Variants in FSTL5 observed in about 807,000 individuals in gnomAD.
FSTL5 encodes follistatin-related protein 5.
FSTL5 carries 62 observed loss-of-function variants against 89.1 expected under a neutral mutation model. The ratio of observed to expected loss-of-function variants is 0.70; its 90% CI spans 0.57 to 0.86. FSTL5 has a LOEUF of 0.86. FSTL5 is among the 40% of genes least tolerant of loss of function. FSTL5 has a pLI of 0.00. For missense variants in FSTL5, 1,057 were observed against 1,001.6 expected (o/e 1.06, Z -0.75); for synonymous variants, 383 against 346.2 (o/e 1.11, Z -1.18).
intron 9 of FSTL5, among the ~76,000 whole-genome samples, chr4:161,541,547 T>A (rs1419217424): frequency 5.3e-5 from 8 of 152,056 alleles, no homozygotes; most frequent in African/African-American, 1.9e-4. Context: ...TTTCTAGGAT[T>A]AAAGTTTTTA....
Position 161,883,321 on chromosome 4 carries a change from A to G in FSTL5, c.409+37083T>C, listed in dbSNP as rs539590559. 8.5e-5 allele frequency among the ~76,000 whole-genome samples: 13 copies of G among 152,340 alleles called. No homozygotes were observed. In the East Asian group the frequency reaches 2.1e-3, roughly 25 times the overall value. On this transcript the variant is annotated intron_variant, in intron 4 of 15. Transcript: ENST00000306100. ...GAACAAGCTCTATTCACTCAAAAAC[A>G]TTCTTTAACAAAACATTCTCTACGT...
At chr4:161,572,094 G>A (rs903786010) in intron 8 of FSTL5, among the ~76,000 whole-genome samples, 1 of 151,862 alleles carries the variant, frequency 6.6e-6, no homozygotes, top group Non-Finnish European at 1.5e-5. Flanking sequence ...TGGATCACCT[G>A]GGGTCAGGAG....
rs1486792470 is a variant in FSTL5 at position 162,037,057 on chromosome 4, CATT to C, written c.127-3402_127-3400del. On this transcript the variant is annotated intron_variant, in intron 2 of 15. Transcript: ENST00000306100. The stretch of plus-strand genomic sequence containing the variant: ...TATTTTGTTTAGTTTTGTAATATTA[CATT>C]ATTATTTATATCACTGAGATTTGAG... Among the ~76,000 whole-genome samples, 8 of 151,706 alleles carry C rather than the reference CATT, an allele frequency of 5.3e-5. No individual in the cohort carries two copies. In the South Asian group the frequency reaches 1.7e-3, roughly 31 times the overall value.
intron 5 of FSTL5, among the ~76,000 whole-genome samples, chr4:161,769,532 T>G (rs1476384237): frequency 6.6e-6 from 1 of 151,918 alleles, no homozygotes; most frequent in Admixed American, 6.6e-5. Flanking sequence ...ATGGTTCAAC[T>G]TACTCAAATA....
intron 1 of FSTL5, among the ~76,000 whole-genome samples, chr4:162,122,041 G>T (rs1017978627): frequency 2.6e-5 from 4 of 151,926 alleles, no homozygotes; most frequent in Non-Finnish European, 5.9e-5. Flanking sequence ...TATGTTATAG[G>T]CAAGGCTTCT....
intron 4 of FSTL5, among the ~76,000 whole-genome samples, chr4:161,900,828 C>T (rs1385376572): frequency 6.6e-6 from 1 of 151,962 alleles, no homozygotes; most frequent in Non-Finnish European, 1.5e-5. Context: ...CACTTACCAA[C>T]TCTTATTACA....
At chr4:162,103,154 T>A (rs935414282) in intron 2 of FSTL5, among the ~76,000 whole-genome samples, 1 of 152,174 alleles carries the variant, frequency 6.6e-6, no homozygotes, top group Non-Finnish European at 1.5e-5. Context: ...GTCAGATATA[T>A]CCCTTTATTT....
At chr4:161,699,314 T>C (rs1037931003) in intron 6 of FSTL5, among the ~76,000 whole-genome samples, 6 of 152,218 alleles carry the variant, frequency 3.9e-5, no homozygotes, top group African/African-American at 1.4e-4. Context: ...CAAATGGCTA[T>C]AGAAATATTT....
intron 4 of FSTL5, among the ~76,000 whole-genome samples, chr4:161,854,202 G>A (rs967854047): frequency 6.6e-6 from 1 of 152,100 alleles, no homozygotes; most frequent in Admixed American, 6.6e-5. Flanking sequence ...TGAGCTGATC[G>A]GGTATATTTT....
intron 13 of FSTL5, among the ~76,000 whole-genome samples, chr4:161,473,151 A>G (rs569536555): frequency 1.6e-4 from 24 of 152,156 alleles, no homozygotes; most frequent in Non-Finnish European, 2.8e-4. Context: ...GGTATTCTGT[A>G]TTTGTCTGTT....
intron 6 of FSTL5, among the ~76,000 whole-genome samples, chr4:161,661,197 T>C (rs1736695506): frequency 6.6e-6 from 1 of 152,192 alleles, no homozygotes; most frequent in African/African-American, 2.4e-5. Flanking sequence ...TTTAAAATCA[T>C]AAGAAGAGCA....
chr4:161,593,750 G>T (rs10003547), intron 7 of FSTL5, among the ~76,000 whole-genome samples: 62,704 of 151,850 alleles, frequency 0.41, 13,655 homozygotes, highest in East Asian at 0.58. Flanking sequence ...AAATTGTCAT[G>T]GTGCCACTCT....
intron 13 of FSTL5, among the ~76,000 whole-genome samples, chr4:161,465,750 A>G (rs1733727629): frequency 2.0e-5 from 3 of 152,208 alleles, no homozygotes. Flanking sequence ...GTAAGATTTT[A>G]TTTAAGTGAT....
intron 7 of FSTL5, among the ~76,000 whole-genome samples, chr4:161,633,506 C>G (rs536205483): frequency 6.6e-6 from 1 of 151,692 alleles, no homozygotes; most frequent in Non-Finnish European, 1.5e-5. Flanking sequence ...ACCACCACAC[C>G]CAGCTAATTT....
chr4:162,047,009 T>C (rs925087095), intron 2 of FSTL5, among the ~76,000 whole-genome samples: 3 of 152,146 alleles, frequency 2.0e-5, no homozygotes, highest in African/African-American at 4.8e-5. Context: ...AAATAAGATA[T>C]ATTATTGAAA....
intron 3 of FSTL5, among the ~76,000 whole-genome samples, chr4:161,977,431 T>C (rs1735680191): frequency 6.6e-6 from 1 of 151,232 alleles, no homozygotes; most frequent in Non-Finnish European, 1.5e-5. Context: ...CCTAACACGA[T>C]GAAACCCCGT....
chr4:161,765,944 G>A (rs1463236912), intron 5 of FSTL5, among the ~76,000 whole-genome samples: 6 of 151,786 alleles, frequency 4.0e-5, no homozygotes, highest in East Asian at 2.0e-4. Context: ...ACAGGTGCTC[G>A]CCACCATGCC....
intron 10 of FSTL5, among the ~76,000 whole-genome samples, chr4:161,525,448 G>A (rs1731185131): frequency 6.6e-6 from 1 of 152,066 alleles, no homozygotes; most frequent in Non-Finnish European, 1.5e-5. Context: ...TACTCCGTTG[G>A]TGTTCACATA....
chr4:162,061,238 G>A (rs1419249224), intron 2 of FSTL5, among the ~76,000 whole-genome samples: 1 of 152,074 alleles, frequency 6.6e-6, no homozygotes, highest in African/African-American at 2.4e-5. Flanking sequence ...GACAATGGAA[G>A]AGATGTAAAG....
Sources: allele counts gnomAD v4.1 joint callset (sites outside exome capture counted in the v4.1 genomes callset), GRCh38; gene constraint gnomAD v4.1.1; transcripts MANE v1.5; gene names NCBI Gene and HGNC (gene_info 2026-07-23, HGNC 2026-07-21).